ACSM3: variants seen among roughly 807,000 people sequenced by gnomAD.
ACSM3 encodes acyl-CoA synthetase medium chain family member 3.
ACSM3 carries 61 observed loss-of-function variants against 74.1 expected under a neutral mutation model. That is an observed-to-expected ratio of 0.82 (90% CI 0.67 to 1.02). The LOEUF is 1.02. Ranked by LOEUF, ACSM3 falls within the 50% of genes least tolerant of loss-of-function variation. The probability of loss-of-function intolerance (pLI) is 0.00; values close to 1 mark genes in which losing one functional copy is unlikely to be tolerated. For synonymous variants in ACSM3, 213 were observed against 241.5 expected (o/e 0.88, Z 1.09); for missense variants, 660 against 697.0 (o/e 0.95, Z 0.60).
chr16:20,747,159 T>C (rs1311671580), intron 1 of ACSM3, among the ~76,000 whole-genome samples: 1 of 152,034 alleles, frequency 6.6e-6, no homozygotes, highest in East Asian at 1.9e-4. Context: ...TTGATAACAC[T>C]ATCTGCAGAG....
chr16:20,752,232 T>TGGTA (rs1025004050), intron 2 of ACSM3, among the ~76,000 whole-genome samples: 6 of 151,930 alleles, frequency 3.9e-5, no homozygotes, highest in African/African-American at 1.5e-4. Flanking sequence ...CAGCCAGGCA[T>TGGTA]GGTAGCTCAC....
At chr16:20,738,722 G>A (rs1466770) in intron 1 of ACSM3, 351,893 of 679,926 alleles carry the variant, frequency 0.52, 96,896 homozygotes, top group Non-Finnish European at 0.6. Context: ...CCAATGCTAC[G>A]TCCACCACCC....
chr16:20,723,790 A>T (rs1205168390), intron 1 of ACSM3, among the ~76,000 whole-genome samples: 1 of 152,216 alleles, frequency 6.6e-6, no homozygotes, highest in Non-Finnish European at 1.5e-5. Context: ...GCCCTTTGTC[A>T]AATGAGTAGG....
chr16:20,736,736 G>A, intron 1 of ACSM3: 1 of 789,452 alleles, frequency 1.3e-6, no homozygotes, highest in South Asian at 1.9e-5. Flanking sequence ...TAACAGGGCT[G>A]CGCAATCATT....
In ACSM3 at chr16:20,691,026, C is replaced by T. The variant is rs1414528362; in HGVS notation, c.-190+16204C>T. 3.1e-6 allele frequency: 5 copies of T among 1,613,484 alleles called. No individual in the cohort carries two copies. The Admixed American group carries it at 5.0e-5, about 16-fold the overall frequency. ...TCCTTTTGAGCCCAGTAGTCCAGTA[C>T]ATAACTTGCAAAGTTAAATTCCTCC... On this transcript the variant is annotated intron_variant, in intron 1 of 3. Transcript: ENST00000561584.
At chr16:20,765,568 C>T (rs555065443) in intron 1 of ACSM3, among the ~76,000 whole-genome samples, 1 of 152,248 alleles carries the variant, frequency 6.6e-6, no homozygotes, top group Admixed American at 6.5e-5. Context: ...TATCTCCAAT[C>T]ATATTAATAT....
intron 1 of ACSM3, among the ~76,000 whole-genome samples, chr16:20,765,745 ATG>A (rs1395759400): frequency 6.6e-6 from 1 of 152,218 alleles, no homozygotes; most frequent in Non-Finnish European, 1.5e-5. Context: ...CAATTTAAAT[ATG>A]TGTGTCTGTT....
intron 1 of ACSM3, among the ~76,000 whole-genome samples, chr16:20,733,313 T>C (rs571821005): frequency 1.4e-3 from 220 of 152,122 alleles, no homozygotes; most frequent in Non-Finnish European, 2.2e-3. Context: ...TAAAGATATA[T>C]CCTAAATGTT....
intron 1 of ACSM3, among the ~76,000 whole-genome samples, chr16:20,691,765 G>C (rs2079655619): frequency 1.9e-5 from 1 of 53,234 alleles, no homozygotes; most frequent in South Asian, 6.3e-4. Flanking sequence ...GTGTGTGTGT[G>C]TGTGTGTGTG....
chr16:20,781,711 C>A lies in ACSM3; in HGVS notation c.943C>A (p.Leu315Ile), dbSNP rs1486024410. 1.2e-6 allele frequency: 2 copies of A among 1,611,770 alleles called. No homozygotes were observed. Residue 315 changes from leucine to isoleucine, a missense_variant, in exon 7 of 14, where the codon CTC becomes ATC. Physicochemically the swap from Leu to Ile is conservative, Grantham distance 5. Transcript: ENST00000289416. ...GTTTGCTTTTTCTAAATTGCAGACA[C>A]TCTCCAAGTACCCCATCACAGTCTT... ...RFEPTSILQTLSKYPITVFCS... is the reference protein window; with the variant it reads ...RFEPTSILQTISKYPITVFCS...
At chr16:20,731,832 CT>C (rs2079832203) in intron 1 of ACSM3, 3 of 245,344 alleles carry the variant, frequency 1.2e-5, no homozygotes, top group Non-Finnish European at 2.2e-5. Context: ...TTTATAGTAG[CT>C]CATTATATAG....
rs541048770 is a variant in ACSM3, at chr16:20,729,274, T to C, written c.-189-20636T>C. ...CTGCCACGGTAAGGGGAGATTTTTATGTCACTGGAGACAGAGGAATGATGG... is the reference window on the plus strand; with the variant it reads ...CTGCCACGGTAAGGGGAGATTTTTACGTCACTGGAGACAGAGGAATGATGG... On this transcript the variant is annotated intron_variant, in intron 1 of 3. Transcript: ENST00000561584. 226 of 1,297,078 alleles carry C rather than the reference T, an allele frequency of 1.7e-4. No homozygotes were observed. The African/African-American group carries it at 2.8e-3, about 16-fold the overall frequency. The allele number at this position is 1,297,078 out of a possible 1,614,324, so 80.3% of individuals were successfully genotyped here.
intron 1 of ACSM3, among the ~76,000 whole-genome samples, chr16:20,711,275 G>A (rs1014056091): frequency 2.0e-5 from 3 of 152,166 alleles, no homozygotes; most frequent in Admixed American, 6.6e-5. Context: ...TAGGCCCATC[G>A]TCTGTCAGAC....
At chr16:20,737,648 T>A in intron 1 of ACSM3, 8 of 1,516,838 alleles carry the variant, frequency 5.3e-6, no homozygotes, top group Non-Finnish European at 7.1e-6. Flanking sequence ...AAGAAAAAAA[T>A]CCTTAAAAAA....
intron 1 of ACSM3, among the ~76,000 whole-genome samples, chr16:20,716,198 G>A (rs892047096): frequency 7.2e-5 from 11 of 152,154 alleles, no homozygotes; most frequent in Non-Finnish European, 1.5e-4. Flanking sequence ...TGAAGCAATG[G>A]CATACAGGGG....
chr16:20,703,763 C>A, intron 1 of ACSM3: 1 of 152,232 alleles, frequency 6.6e-6, no homozygotes, highest in African/African-American at 2.4e-5. Context: ...CTGAAGTGAT[C>A]CACCTGCCTT....
chr16:20,780,875 T>G lies in ACSM3; in HGVS notation c.782+18T>G. 2.5e-6 allele frequency: 4 copies of G among 1,614,032 alleles called. No homozygotes were observed. Among genetic ancestry groups the G allele is most frequent in the Non-Finnish European group, 3.4e-6 (4 of 1,179,890 alleles). ...AATGGAAGGTATACTTTCACAAAAGTGCAGCTTGAAGTGTCAAAACTGCAA... is the reference window on the plus strand; with the variant it reads ...AATGGAAGGTATACTTTCACAAAAGGGCAGCTTGAAGTGTCAAAACTGCAA... On this transcript the variant is annotated intron_variant, in intron 5 of 13. Transcript: ENST00000289416.
At chr16:20,774,488 G>A (rs373450967) in intron 2 of ACSM3, among the ~76,000 whole-genome samples, 9 of 152,118 alleles carry the variant, frequency 5.9e-5, no homozygotes, top group African/African-American at 1.2e-4. Flanking sequence ...TGATCCGCCC[G>A]CCTTGGCCTC....
intron 1 of ACSM3, among the ~76,000 whole-genome samples, chr16:20,741,309 A>C (rs924926277): frequency 6.6e-6 from 1 of 152,220 alleles, no homozygotes; most frequent in African/African-American, 2.4e-5. Flanking sequence ...AGGTGCAAGC[A>C]CTTCAAGCAC....
Sources: allele counts gnomAD v4.1 joint callset (sites outside exome capture counted in the v4.1 genomes callset), GRCh38; gene constraint gnomAD v4.1.1; transcripts MANE v1.5; gene names NCBI Gene and HGNC (gene_info 2026-07-23, HGNC 2026-07-21).